TFG: variants seen among roughly 807,000 people sequenced by gnomAD.
The protein encoded by TFG is trafficking from ER to golgi regulator, also known as protein TFG.
In TFG, 22 loss-of-function variants were observed where a neutral mutation model predicts 51.4. The ratio of observed to expected loss-of-function variants is 0.43; its 90% CI spans 0.31 to 0.61. TFG has a LOEUF of 0.61. TFG is among the 20% of genes least tolerant of loss of function. The probability of loss-of-function intolerance (pLI) is 0.12; values close to 1 mark genes in which losing one functional copy is unlikely to be tolerated. For synonymous variants in TFG, 187 were observed against 165.6 expected (o/e 1.13, Z -0.99); for missense variants, 419 against 487.7 (o/e 0.86, Z 1.33).
At position 100,733,613 on chromosome 3, in the gene TFG, C is replaced by G. The variant is rs141158265; in HGVS notation, c.580+941C>G. On this transcript the variant is annotated intron_variant, in intron 5 of 7. Coordinates refer to ENST00000240851, the MANE Select transcript of TFG (RefSeq NM_006070.6). ...TTCTATTGACTGGGTTCCTCTCCCC[C>G]ACACACACTCCCCCCAACTCCAGTA... 3.4e-3 allele frequency among the ~76,000 whole-genome samples: 520 copies of G among 152,142 alleles called. 5 individuals carry two copies. Among genetic ancestry groups the G allele is most frequent in the Non-Finnish European group, 5.0e-3 (341 of 68,000 alleles).
At chr3:100,718,596 C>T (rs1360979538) in intron 2 of TFG, among the ~76,000 whole-genome samples, 2 of 91,636 alleles carry the variant, frequency 2.2e-5, no homozygotes. Context: ...CTTGCTTTGT[C>T]GTTTAGGCTG....
chr3:100,716,954 A>G (rs1221622128), intron 2 of TFG, among the ~76,000 whole-genome samples: 1 of 152,346 alleles, frequency 6.6e-6, no homozygotes, highest in South Asian at 2.1e-4. Flanking sequence ...ATCCTCTGCC[A>G]GATGAGTAGT....
intron 5 of TFG, among the ~76,000 whole-genome samples, 186 bp from the exon 6 acceptor site, chr3:100,736,390 G>C (rs901104067): frequency 6.6e-6 from 1 of 152,122 alleles, no homozygotes; most frequent in African/African-American, 2.4e-5. Flanking sequence ...TCCAGTTGTA[G>C]CTTTGGATTA....
chr3:100,727,021 G>A (rs1173391128), intron 3 of TFG, among the ~76,000 whole-genome samples: 1 of 152,174 alleles, frequency 6.6e-6, no homozygotes, highest in Non-Finnish European at 1.5e-5. Context: ...CAGGATAAAA[G>A]GTTGTTTGGT....
intron 3 of TFG, among the ~76,000 whole-genome samples, chr3:100,723,220 T>C (rs1470856156): frequency 6.6e-6 from 1 of 152,210 alleles, no homozygotes; most frequent in Non-Finnish European, 1.5e-5. Flanking sequence ...AGGAACATTG[T>C]AATTACCTTT....
At chr3:100,725,622 C>CCAAAAAAAAA (rs2095073116) in intron 3 of TFG, among the ~76,000 whole-genome samples, 1 of 83,490 alleles carries the variant, frequency 1.2e-5, no homozygotes. Flanking sequence ...ACCAAAAATA[C>CCAAAAAAAAA]AAAAAAAAAA....
intron 6 of TFG, among the ~76,000 whole-genome samples, chr3:100,741,972 C>G (rs906178397): frequency 9.9e-5 from 15 of 152,130 alleles, no homozygotes; most frequent in South Asian, 2.1e-4. Flanking sequence ...ACACAATTTT[C>G]AGAACCTACT....
chr3:100,744,547 G>A (rs957846541), intron 6 of TFG: 1 of 252,678 alleles, frequency 4.0e-6, no homozygotes, highest in Non-Finnish European at 7.5e-6. Context: ...GTTGGCAGCT[G>A]GGTTGGAAAA....
rs1448131462 is a variant in TFG, at chr3:100,741,491, TTAAGC to T, written c.722-3338_722-3334del. Among the ~76,000 whole-genome samples, 11 of 152,308 alleles carry T rather than the reference TTAAGC, an allele frequency of 7.2e-5. No homozygotes were observed. In the East Asian group the frequency reaches 1.9e-3, roughly 27 times the overall value. On this transcript the variant is annotated intron_variant, in intron 6 of 7. Coordinates refer to ENST00000240851, the MANE Select transcript of TFG (RefSeq NM_006070.6). Reference sequence around the variant, plus strand: ...TTTTTGTATAGTAGCACAATGTACTTTAAGCTAAAGTATTAAAAAAGTTAAAAAAT... The same window carrying T: ...TTTTTGTATAGTAGCACAATGTACTTTAAAGTATTAAAAAAGTTAAAAAAT...
rs3830581 is a variant in TFG at position 100,736,765 on chromosome 3, TG to T, written c.721+50del. ...GTTTGGGAAAGTACATGTGTAGAAG[TG>T]TTTATTACAGCATTGTTGTAAACAC... On this transcript the variant is annotated intron_variant, in intron 6 of 7. Coordinates refer to ENST00000240851, the MANE Select transcript of TFG (RefSeq NM_006070.6). 427,323 of 1,583,920 alleles carry T rather than the reference TG, an allele frequency of 0.27. 61,429 individuals carry two copies. Among genetic ancestry groups the T allele is most frequent in the East Asian group, 0.5 (22,439 of 44,486 alleles).
intron 5 of TFG, among the ~76,000 whole-genome samples, chr3:100,735,296 A>G (rs573951607): frequency 3.3e-5 from 5 of 152,184 alleles, no homozygotes; most frequent in Non-Finnish European, 5.9e-5. Flanking sequence ...AGTTCTGGGG[A>G]TACATCAGAG....
intron 3 of TFG, among the ~76,000 whole-genome samples, chr3:100,726,783 G>A (rs2095077188): frequency 1.3e-5 from 2 of 150,932 alleles, no homozygotes; most frequent in Admixed American, 1.3e-4. Flanking sequence ...ATTTTTTTTT[G>A]GGCTTGGGTT....
chr3:100,735,411 A>G (rs929555566), intron 5 of TFG, among the ~76,000 whole-genome samples: 1 of 152,202 alleles, frequency 6.6e-6, no homozygotes, highest in Non-Finnish European at 1.5e-5. Context: ...TTTGCTGTAT[A>G]ATTCCTTTTA....
chr3:100,748,116 A>C, intron 7 of TFG, 33 bp from the exon 8 acceptor site: 1 of 1,588,258 alleles, frequency 6.3e-7, no homozygotes, highest in Non-Finnish European at 8.6e-7. Flanking sequence ...TTACTAAAAG[A>C]TAAGATACAT....
At chr3:100,718,000 T>C (rs2095050930) in intron 2 of TFG, among the ~76,000 whole-genome samples, 3 of 152,126 alleles carry the variant, frequency 2.0e-5, no homozygotes, top group South Asian at 2.1e-4. Context: ...TCATGGCTCA[T>C]TGAAGCCTTG....
Position 100,719,935 on chromosome 3 carries a change from A to T in TFG, c.185-40A>T, listed in dbSNP as rs751516464. On this transcript the variant is annotated intron_variant, in intron 2 of 7. Coordinates refer to ENST00000240851, the MANE Select transcript of TFG (RefSeq NM_006070.6). ...ACTGCTTATACAAATCTGAAAATTT[A>T]AAAAATTAAAAAACAACCTTTTTTT... is the stretch of plus-strand genomic sequence containing the variant. 60 of 1,339,998 alleles carry T rather than the reference A, an allele frequency of 4.5e-5. 2 individuals are homozygous for T. The South Asian group carries it at 6.3e-4, about 14-fold the overall frequency. 83.0% of individuals were successfully genotyped at this position (1,339,998 alleles called of 1,614,324 possible).
intron 5 of TFG, among the ~76,000 whole-genome samples, chr3:100,735,493 C>T (rs2095103923): frequency 6.6e-6 from 1 of 152,096 alleles, no homozygotes; most frequent in Non-Finnish European, 1.5e-5. Flanking sequence ...ATTAGTATAT[C>T]CTTTGTACAG....
At chr3:100,736,463 T>C in intron 5 of TFG, 113 bp from the exon 6 acceptor site, 1 of 1,172,160 alleles carries the variant, frequency 8.5e-7, no homozygotes, top group Non-Finnish European at 1.2e-6. Flanking sequence ...GTATTTGTGG[T>C]TATATACTTA....
intron 3 of TFG, among the ~76,000 whole-genome samples, chr3:100,728,208 T>C (rs575106192): frequency 2.0e-5 from 3 of 152,244 alleles, no homozygotes; most frequent in East Asian, 1.9e-4. Flanking sequence ...GACAAAGTTA[T>C]GCAAGAGGGA....
Sources: allele counts gnomAD v4.1 joint callset (sites outside exome capture counted in the v4.1 genomes callset), GRCh38; gene constraint gnomAD v4.1.1; transcripts MANE v1.5; gene names NCBI Gene and HGNC (gene_info 2026-07-23, HGNC 2026-07-21).